The following MAPK14 variants were observed in gnomAD, a reference collection of about 807,000 sequenced individuals.
MAPK14 encodes mitogen-activated protein kinase 14.
Under a neutral mutation model 49.6 loss-of-function variants are expected in MAPK14, and 16 were observed. The observed-to-expected ratio is 0.32, with a 90% CI of 0.22 to 0.49. MAPK14 has a LOEUF of 0.49. Among genes scored for constraint, MAPK14 ranks in the 20% least tolerant of loss-of-function variants. MAPK14 has a pLI of 0.99. For missense variants in MAPK14, 200 were observed against 441.2 expected, an observed-to-expected ratio of 0.45 and a Z score of 4.90; for synonymous variants, 142 against 158.0, an observed-to-expected ratio of 0.90 and a Z score of 0.76.
intron 3 of MAPK14, 122 bp downstream of exon 3, chr6:36,059,469 C>G: frequency 1.4e-6 from 1 of 725,384 alleles, no homozygotes; most frequent in Non-Finnish European, 2.4e-6. Flanking sequence ...TATCATGCAC[C>G]TCTTTTTGGG....
intron 2 of MAPK14, among the ~76,000 whole-genome samples, chr6:36,058,522 T>A (rs1763671719): frequency 6.6e-6 from 1 of 152,150 alleles, no homozygotes; most frequent in Non-Finnish European, 1.5e-5. Context: ...ATAATTTGGG[T>A]AGAAAATTAG....
intron 8 of MAPK14, among the ~76,000 whole-genome samples, chr6:36,080,497 A>G (rs548070641): frequency 4.6e-5 from 7 of 152,330 alleles, no homozygotes; most frequent in Non-Finnish European, 8.8e-5. Context: ...TTCACTTAGT[A>G]TAATGTTTTC....
chr6:36,081,329 T>C (rs1043378712), intron 8 of MAPK14, among the ~76,000 whole-genome samples: 2 of 152,200 alleles, frequency 1.3e-5, no homozygotes, highest in Admixed American at 6.5e-5. Context: ...TTAGCTCTTA[T>C]ACTTAGGTCT....
At chr6:36,058,307 C>T (rs990251398) in intron 2 of MAPK14, among the ~76,000 whole-genome samples, 4 of 152,108 alleles carry the variant, frequency 2.6e-5, no homozygotes, top group South Asian at 2.1e-4. Context: ...CACAATATTA[C>T]GGTAACAACC....
the MAPK14 span, among the ~76,000 whole-genome samples, chr6:36,123,236 G>A: frequency 9.2e-5 from 14 of 152,140 alleles, no homozygotes; most frequent in Non-Finnish European, 2.1e-4. Flanking sequence ...CTGCTTTGGA[G>A]TGGATGGTGC....
At chr6:36,088,518 C>T (rs532180936) in intron 8 of MAPK14, among the ~76,000 whole-genome samples, 2 of 151,986 alleles carry the variant, frequency 1.3e-5, no homozygotes, top group Non-Finnish European at 2.9e-5. Flanking sequence ...GTCAGGAGAT[C>T]GAGATCATCC....
intron 1 of MAPK14, among the ~76,000 whole-genome samples, chr6:36,032,984 A>AT (rs5875529): frequency 1.0e-3 from 151 of 147,408 alleles, no homozygotes; most frequent in African/African-American, 2.4e-3. Flanking sequence ...TTTTAAATCT[A>AT]TTTTTTTTTT....
chr6:36,049,701 A>G (rs1395360984), intron 1 of MAPK14, among the ~76,000 whole-genome samples: 5 of 152,216 alleles, frequency 3.3e-5, no homozygotes, highest in African/African-American at 9.7e-5. Flanking sequence ...GTAAACAAGT[A>G]GAGCAAATTT....
intron 8 of MAPK14, 108 bp from the exon 9 acceptor site, chr6:36,095,879 T>G: frequency 1.5e-6 from 1 of 684,914 alleles, no homozygotes; most frequent in Non-Finnish European, 2.5e-6. Flanking sequence ...TTGGGGTGTT[T>G]CATTTTTGTT....
At chr6:36,070,599 A>G (rs1355221846) in intron 3 of MAPK14, among the ~76,000 whole-genome samples, 1 of 152,174 alleles carries the variant, frequency 6.6e-6, no homozygotes, top group East Asian at 1.9e-4. Context: ...TATTAATTAC[A>G]TTTAGAGTCT....
chr6:36,072,537 C>T (rs553636354), intron 3 of MAPK14, among the ~76,000 whole-genome samples: 17 of 151,872 alleles, frequency 1.1e-4, no homozygotes, highest in South Asian at 4.2e-4. Flanking sequence ...GAGGCTGAGG[C>T]GGGGGGATCA....
chr6:36,100,108 T>G, intron 9 of MAPK14: 6 of 1,034,990 alleles, frequency 5.8e-6, no homozygotes, highest in Non-Finnish European at 9.2e-6. Context: ...GGGGGTGGCT[T>G]TTTGACCTTT....
At chr6:36,056,846 C>A (rs1408499574) in intron 2 of MAPK14, among the ~76,000 whole-genome samples, 1 of 152,076 alleles carries the variant, frequency 6.6e-6, no homozygotes, top group Non-Finnish European at 1.5e-5. Flanking sequence ...GCTTCTAGAC[C>A]TCAGTTACCT....
chr6:36,103,681 C>T (rs1301856231), intron 10 of MAPK14, among the ~76,000 whole-genome samples: 1 of 152,144 alleles, frequency 6.6e-6, no homozygotes, highest in Non-Finnish European at 1.5e-5. Flanking sequence ...CTTCAGATGG[C>T]CCCTGAAAGC....
At chr6:36,053,081 G>T (rs372795446) in intron 2 of MAPK14, among the ~76,000 whole-genome samples, 4 of 151,580 alleles carry the variant, frequency 2.6e-5, no homozygotes, top group African/African-American at 9.7e-5. Context: ...AAAATTAAAG[G>T]ATATGTTATG....
intron 8 of MAPK14, among the ~76,000 whole-genome samples, chr6:36,090,687 C>G (rs1449011234): frequency 1.3e-5 from 2 of 152,050 alleles, no homozygotes; most frequent in Admixed American, 1.3e-4. Flanking sequence ...TCATCACGCC[C>G]GGCTAATTTT....
At chr6:36,065,507 G>GGTGTGCGTGTGTGT (rs1554181673) in intron 3 of MAPK14, among the ~76,000 whole-genome samples, 2 of 122,454 alleles carry the variant, frequency 1.6e-5, no homozygotes, top group East Asian at 4.5e-4. Context: ...GGGCAGAAAA[G>GGTGTGCGTGTGTGT]GTGTGTGTGT....
In MAPK14 at chr6:36,104,090, G is replaced by A. The variant is rs532888645; in HGVS notation, c.841+1441G>A. Among the ~76,000 whole-genome samples the A allele has an allele frequency of 5.9e-5, 9 of 152,262 alleles. No homozygotes were observed. In the East Asian group the frequency reaches 1.5e-3, roughly 26 times the overall value. ...TGTCGCTGTGATAATTCTTATAATA[G>A]CAGAGATACTCACGCTCTTTGAAGT... is the stretch of plus-strand genomic sequence containing the variant. On this transcript the variant is annotated intron_variant, in intron 10 of 11. Transcript: ENST00000229794.
Position 36,028,003 on chromosome 6 carries a change from G to A in MAPK14, c.-155G>A. 2 of 449,956 alleles carry A rather than the reference G, an allele frequency of 4.4e-6. No individual in the cohort carries two copies. Among genetic ancestry groups the A allele is most frequent in the East Asian group, 3.6e-5 (1 of 28,076 alleles). 27.9% of individuals were successfully genotyped at this position (449,956 alleles called of 1,614,324 possible). A position where few individuals can be genotyped will look rare whatever the true frequency, so the allele number is the denominator to read the frequency against. On this transcript the variant is annotated 5_prime_UTR_variant, in exon 1 of 12. Coordinates refer to ENST00000229794, the MANE Select transcript of MAPK14 (RefSeq NM_139012.3). This position sits in a 1 kb window ranked among gnomAD's most constrained non-coding sequence, Gnocchi z 5.1. ...GCTGCGGCTGACAGCAGCCGCGCGC[G>A]CGGGAGTCTGCGGGGTCGCGGCAGC...
Sources: allele counts gnomAD v4.1 joint callset (sites outside exome capture counted in the v4.1 genomes callset), GRCh38; gene constraint gnomAD v4.1.1; non-coding constraint Gnocchi (gnomAD v3.1); transcripts MANE v1.5; gene names NCBI Gene and HGNC (gene_info 2026-07-23, HGNC 2026-07-21).